Variants in ADD2 observed in about 807,000 individuals in gnomAD.
The protein encoded by ADD2 is beta-adducin.
In ADD2, 23 loss-of-function variants were observed where a neutral mutation model predicts 83.0. The observed-to-expected ratio is 0.28, with a 90% CI of 0.20 to 0.39. The LOEUF (loss-of-function observed/expected upper bound fraction) is 0.39, where lower values mean the gene tolerates loss of function less well. Among genes scored for constraint, ADD2 ranks in the 10% least tolerant of loss-of-function variants. ADD2 has a pLI of 1.00. For synonymous variants in ADD2, 375 were observed against 375.4 expected, an observed-to-expected ratio of 1.00 and a Z score of 0.01; for missense variants, 758 against 944.9, an observed-to-expected ratio of 0.80 and a Z score of 2.59.
chr2:70,758,223 T>C (rs1172297221), intron 1 of ADD2, among the ~76,000 whole-genome samples: 1 of 152,224 alleles, frequency 6.6e-6, no homozygotes, highest in Non-Finnish European at 1.5e-5. Context: ...TCACAGATGA[T>C]GGGATACAAT....
chr2:70,665,124 T>C (rs1007063341), intron 15 of ADD2, among the ~76,000 whole-genome samples: 1 of 151,964 alleles, frequency 6.6e-6, no homozygotes, highest in Non-Finnish European at 1.5e-5. Context: ...GTATAGTCAG[T>C]GTTACAGAGG....
chr2:70,763,956 C>T (rs1033442009), intron 1 of ADD2, among the ~76,000 whole-genome samples: 2 of 150,184 alleles, frequency 1.3e-5, no homozygotes, highest in African/African-American at 4.9e-5. Context: ...GGTGTGATCT[C>T]GGCTCACTGC....
chr2:70,767,002 A>G (rs944909527), intron 1 of ADD2, among the ~76,000 whole-genome samples: 4 of 151,902 alleles, frequency 2.6e-5, no homozygotes, highest in Admixed American at 6.6e-5. Flanking sequence ...CAAGAGATGG[A>G]GATTAGGGGT....
At chr2:70,743,537 G>A (rs542330807) in intron 1 of ADD2, among the ~76,000 whole-genome samples, 3 of 152,282 alleles carry the variant, frequency 2.0e-5, no homozygotes, top group African/African-American at 7.2e-5. Context: ...TTAACAGTGG[G>A]AGAAGAAGAG....
chr2:70,681,908 G>A (rs963431630), intron 10 of ADD2, among the ~76,000 whole-genome samples: 1 of 152,020 alleles, frequency 6.6e-6, no homozygotes, highest in Non-Finnish European at 1.5e-5. Flanking sequence ...TGTAGAGATA[G>A]GGTCTTGCTA....
intron 6 of ADD2, among the ~76,000 whole-genome samples, chr2:70,694,549 T>C (rs1458225626): frequency 1.3e-5 from 2 of 152,208 alleles, no homozygotes; most frequent in Non-Finnish European, 2.9e-5. Context: ...TTGGCCTGTC[T>C]TCCCAAATGC....
rs1675435994 is a variant in ADD2 at position 70,658,603 on chromosome 2, T to G, written c.*4822A>C. ...GAGTGGAGAGCTTAAATTTAGCCTCTCCCTCATTTCTTTTCAGACTCTTTG... is the reference window on the plus strand; with the variant it reads ...GAGTGGAGAGCTTAAATTTAGCCTCGCCCTCATTTCTTTTCAGACTCTTTG... On this transcript the variant is annotated 3_prime_UTR_variant, in exon 16 of 16. Coordinates refer to ENST00000264436, the MANE Select transcript of ADD2 (RefSeq NM_001617.4). 6.6e-6 allele frequency: 1 copy of G among 152,142 alleles called. No homozygotes were observed. Among genetic ancestry groups the G allele is most frequent in the Non-Finnish European group, 1.5e-5 (1 of 68,024 alleles). 9.4% of individuals were successfully genotyped at this position (152,142 alleles called of 1,614,324 possible). A position where few individuals can be genotyped will look rare whatever the true frequency, so the allele number is the denominator to read the frequency against.
chr2:70,721,944 C>T (rs1171302376), intron 1 of ADD2, among the ~76,000 whole-genome samples: 1 of 152,108 alleles, frequency 6.6e-6, no homozygotes, highest in Non-Finnish European at 1.5e-5. Context: ...TAAAATATGA[C>T]CCCCTGCTTT....
intron 15 of ADD2, among the ~76,000 whole-genome samples, chr2:70,669,633 C>T (rs540304411): frequency 2.5e-4 from 38 of 152,318 alleles, no homozygotes; most frequent in African/African-American, 7.0e-4. Context: ...GCTATCCCTC[C>T]GGGTATCCAC....
At position 70,657,938 on chromosome 2, in the gene ADD2, CA is replaced by C. The variant is rs1328687199; in HGVS notation, c.*5486del. On this transcript the variant is annotated 3_prime_UTR_variant, in exon 16 of 16. Transcript: ENST00000264436. ...CTCTGCCTGAACCCCTTCCCTGCAC[CA>C]ATAATGATCATTTCTCCCCCATCTG... 1.3e-5 allele frequency: 2 copies of C among 152,136 alleles called. No homozygotes were observed. The highest frequency in any genetic ancestry group is 2.4e-5 in the African/African-American group (1 of 41,412). 9.4% of individuals were successfully genotyped at this position (152,136 alleles called of 1,614,324 possible).
At chr2:70,712,225 C>A (rs1052485331) in intron 2 of ADD2, among the ~76,000 whole-genome samples, 10 of 151,990 alleles carry the variant, frequency 6.6e-5, no homozygotes, top group Non-Finnish European at 1.0e-4. Context: ...GGATGGATCA[C>A]CTGAAGTCAG....
intron 1 of ADD2, among the ~76,000 whole-genome samples, chr2:70,762,688 C>T (rs1040949327): frequency 2.0e-5 from 3 of 149,160 alleles, no homozygotes; most frequent in Non-Finnish European, 3.0e-5. Flanking sequence ...AAAAGGAAAG[C>T]GGTCAAAAAT....
chr2:70,737,177 A>C (rs1553380322), intron 1 of ADD2, among the ~76,000 whole-genome samples: 8 of 152,190 alleles, frequency 5.3e-5, no homozygotes, highest in Non-Finnish European at 1.2e-4. Context: ...CGATTCCTCA[A>C]GGATCTAGAA....
intron 1 of ADD2, among the ~76,000 whole-genome samples, chr2:70,739,048 A>G (rs1553380649): frequency 6.6e-6 from 1 of 152,258 alleles, no homozygotes; most frequent in African/African-American, 2.4e-5. Context: ...ATGGGATCTA[A>G]GTAAACTTAA....
intron 1 of ADD2, among the ~76,000 whole-genome samples, chr2:70,747,365 A>G (rs554294274): frequency 6.6e-6 from 1 of 152,118 alleles, no homozygotes; most frequent in African/African-American, 2.4e-5. Context: ...TACAATCCAG[A>G]GCTGTATGGT....
intron 15 of ADD2, among the ~76,000 whole-genome samples, chr2:70,668,536 C>T (rs1420844589): frequency 6.6e-6 from 1 of 152,184 alleles, no homozygotes; most frequent in Non-Finnish European, 1.5e-5. Flanking sequence ...CTGTTTATGA[C>T]AGAAACTCTT....
At chr2:70,720,186 C>G (rs1672667941) in intron 1 of ADD2, among the ~76,000 whole-genome samples, 1 of 152,106 alleles carries the variant, frequency 6.6e-6, no homozygotes, top group South Asian at 2.1e-4. Context: ...CCTGCACTAT[C>G]CCTCCCCTCT....
chr2:70,671,064 C>G (rs1404238285), intron 15 of ADD2, among the ~76,000 whole-genome samples: 1 of 152,212 alleles, frequency 6.6e-6, no homozygotes, highest in African/African-American at 2.4e-5. Context: ...CTCTCCAGCC[C>G]TGGATTTCCT....
intron 1 of ADD2, among the ~76,000 whole-genome samples, chr2:70,744,043 G>C (rs1674054771): frequency 6.6e-6 from 1 of 152,166 alleles, no homozygotes; most frequent in African/African-American, 2.4e-5. Context: ...CTTATTTTTA[G>C]TGTTTACATC....
Sources: gnomAD v4.1 joint callset for allele counts (sites outside exome capture counted in the v4.1 genomes callset) on GRCh38, gnomAD v4.1.1 for gene constraint, MANE v1.5 for transcripts, NCBI Gene and HGNC (gene_info 2026-07-23, HGNC 2026-07-21) for gene names.